The following APBA1 variants were observed in gnomAD, a reference collection of about 807,000 sequenced individuals.
APBA1 encodes the protein amyloid beta precursor protein binding family A member 1.
A neutral mutation model predicts 86.6 loss-of-function variants in APBA1; 55 were observed. The observed-to-expected ratio is 0.64, with a 90% CI of 0.51 to 0.80. APBA1 has a LOEUF of 0.80. Among genes scored for constraint, APBA1 ranks in the 30% least tolerant of loss-of-function variants. The pLI is 0.00. For missense variants in APBA1, 1,090 were observed against 1,183.0 expected (o/e 0.92, Z 1.15); for synonymous variants, 511 against 493.9 (o/e 1.03, Z -0.46).
rs147279653 is a variant in APBA1 at position 69,525,821 on chromosome 9, A to G, written c.-69-8542T>C. Among the ~76,000 whole-genome samples, 46 of 152,278 alleles carry G rather than the reference A, an allele frequency of 3.0e-4. No individual in the cohort carries two copies. In the East Asian group the frequency reaches 8.1e-3, roughly 27 times the overall value. ...ACATTACCAGACTTCAAACTATACT[A>G]TAAGGCCACAGGGACCAAAACATCA... On this transcript the variant is annotated intron_variant, in intron 1 of 12. Transcript: ENST00000265381.
intron 1 of APBA1, among the ~76,000 whole-genome samples, chr9:69,616,112 T>C (rs780619761): frequency 3.9e-5 from 6 of 152,182 alleles, no homozygotes; most frequent in Non-Finnish European, 1.5e-5. Flanking sequence ...CCACCTGATC[T>C]AGGAGATCTT....
At chr9:69,435,102 T>C (rs533323605) in intron 11 of APBA1, among the ~76,000 whole-genome samples, 133 of 152,110 alleles carry the variant, frequency 8.7e-4, no homozygotes, top group African/African-American at 3.1e-3. Flanking sequence ...GCTTCATCCA[T>C]GTCCCTACAA....
In APBA1 at chr9:69,429,672, A is replaced by G. The variant is rs1834554493; in HGVS notation, c.*1655T>C. 1 of 151,774 alleles carries G rather than the reference A, an allele frequency of 6.6e-6. No individual in the cohort carries two copies. The highest frequency in any genetic ancestry group is 2.4e-5 in the African/African-American group (1 of 41,304). The allele number at this position is 151,774 out of a possible 1,614,324, so 9.4% of individuals were successfully genotyped here. ...CTCTGGTTGAAGTCTCTTGTCCCTA[A>G]TCTTGTTATAGTCACTTTGCTCCCT... On this transcript the variant is annotated 3_prime_UTR_variant, in exon 13 of 13. Transcript: ENST00000265381.
intron 2 of APBA1, among the ~76,000 whole-genome samples, chr9:69,496,989 AC>A (rs1835809452): frequency 6.6e-6 from 1 of 152,050 alleles, no homozygotes; most frequent in South Asian, 2.1e-4. Context: ...CACACGTAAG[AC>A]TTAAAATCAC....
intron 11 of APBA1, among the ~76,000 whole-genome samples, chr9:69,437,374 C>G (rs1240437166): frequency 6.8e-6 from 1 of 147,682 alleles, no homozygotes; most frequent in Non-Finnish European, 1.5e-5. Context: ...CCTTGTACCT[C>G]TGGTAGAATT....
chr9:69,532,717 AC>A (rs1836452313), intron 1 of APBA1, among the ~76,000 whole-genome samples: 1 of 151,836 alleles, frequency 6.6e-6, no homozygotes, highest in Admixed American at 6.6e-5. Flanking sequence ...ACAATACCAA[AC>A]CTCTTTGACC....
intron 1 of APBA1, among the ~76,000 whole-genome samples, chr9:69,538,863 A>G (rs1836554143): frequency 2.0e-5 from 3 of 152,042 alleles, no homozygotes; most frequent in South Asian, 4.1e-4. Context: ...GCCCATTCCA[A>G]TCGGGCTCCC....
intron 1 of APBA1, among the ~76,000 whole-genome samples, chr9:69,639,007 C>T (rs1823234294): frequency 6.6e-6 from 1 of 152,074 alleles, no homozygotes; most frequent in South Asian, 2.1e-4. Flanking sequence ...TTCTCAGGGT[C>T]CCTAAAACTA....
chr9:69,642,581 G>T (rs972964796), intron 1 of APBA1, among the ~76,000 whole-genome samples: 1 of 152,080 alleles, frequency 6.6e-6, no homozygotes, highest in South Asian at 2.1e-4. Flanking sequence ...AATTGGCAGA[G>T]CCACAGTGCC....
At chr9:69,518,345 C>G (rs1156667001) in intron 1 of APBA1, among the ~76,000 whole-genome samples, 2 of 152,022 alleles carry the variant, frequency 1.3e-5, no homozygotes, top group Admixed American at 1.3e-4. Context: ...CCATGGATAC[C>G]AAGGGAGGAC....
At chr9:69,443,092 C>T (rs760951905) in intron 10 of APBA1, among the ~76,000 whole-genome samples, 17 of 152,164 alleles carry the variant, frequency 1.1e-4, no homozygotes, top group Non-Finnish European at 1.9e-4. Context: ...CTTTACTATG[C>T]TTGGCCAGCA....
intron 1 of APBA1, among the ~76,000 whole-genome samples, chr9:69,576,329 C>T (rs1410554022): frequency 1.3e-5 from 2 of 152,156 alleles, no homozygotes; most frequent in African/African-American, 4.8e-5. Context: ...ACTAGAAATA[C>T]CATTTGACCC....
At chr9:69,483,391 TG>T (rs926141831) in intron 2 of APBA1, among the ~76,000 whole-genome samples, 2 of 151,826 alleles carry the variant, frequency 1.3e-5, no homozygotes, top group Non-Finnish European at 2.9e-5. Context: ...CCAGCCCCCT[TG>T]GGGGAAACTG....
intron 1 of APBA1, among the ~76,000 whole-genome samples, chr9:69,638,713 T>G (rs185694186): frequency 1.3e-4 from 20 of 152,304 alleles, no homozygotes; most frequent in Admixed American, 1.3e-3. Flanking sequence ...TCACATAAAA[T>G]TTTTACTAAG....
At chr9:69,663,699 C>G (rs1215130365) in intron 1 of APBA1, among the ~76,000 whole-genome samples, 1 of 152,102 alleles carries the variant, frequency 6.6e-6, no homozygotes, top group Non-Finnish European at 1.5e-5. Flanking sequence ...CTGTATTTTT[C>G]ATACAAATTG....
intron 5 of APBA1, chr9:69,465,145 T>C (rs1404021327): frequency 6.6e-6 from 1 of 152,152 alleles, no homozygotes; most frequent in Admixed American, 6.5e-5. Flanking sequence ...GCCCTGGATG[T>C]TATAGGGTCT....
rs1210697127 is a variant in APBA1, at chr9:69,457,052, C to A, written c.1602+1G>T. ...TGGGAAAGGTGGAAGCCAGCTGATA[C>A]CTGTGTGTCGGCGTTCAGCACTTTG... On this transcript the variant is annotated splice_donor_variant, in intron 7 of 12. Coordinates refer to ENST00000265381, the MANE Select transcript of APBA1 (RefSeq NM_001163.4). LOFTEE classifies it high-confidence loss of function. 1 of 1,613,574 alleles carries A rather than the reference C, an allele frequency of 6.2e-7. No individual in the cohort carries two copies. The highest frequency in any genetic ancestry group is 8.5e-7 in the Non-Finnish European group (1 of 1,179,486).
chr9:69,646,943 G>GACA (rs1823401474), intron 1 of APBA1, among the ~76,000 whole-genome samples: 1 of 152,178 alleles, frequency 6.6e-6, no homozygotes, highest in South Asian at 2.1e-4. Flanking sequence ...ACAGGGGAAC[G>GACA]CAGGCTGCTG....
At chr9:69,503,535 T>C (rs948881028) in intron 2 of APBA1, among the ~76,000 whole-genome samples, 2 of 152,160 alleles carry the variant, frequency 1.3e-5, no homozygotes, top group African/African-American at 4.8e-5. Flanking sequence ...TCAGTGCTTG[T>C]GTTCTGAAGA....
Sources: allele counts gnomAD v4.1 joint callset (sites outside exome capture counted in the v4.1 genomes callset), GRCh38; gene constraint gnomAD v4.1.1; transcripts MANE v1.5; gene names NCBI Gene and HGNC (gene_info 2026-07-23, HGNC 2026-07-21).